The following GRIK4 variants were observed in gnomAD, a reference collection of about 807,000 sequenced individuals.
GRIK4 encodes the protein glutamate ionotropic receptor kainate type subunit 4, also known as glutamate receptor ionotropic, kainate 4.
Under a neutral mutation model 104.9 loss-of-function variants are expected in GRIK4, and 40 were observed. The ratio of observed to expected loss-of-function variants is 0.38; its 90% confidence interval spans 0.30 to 0.50. The LOEUF is 0.50. GRIK4 is among the 20% of genes least tolerant of loss of function. The pLI is 0.93. For missense variants in GRIK4, 1,047 were observed against 1,308.1 expected (o/e 0.80, Z 3.08); for synonymous variants, 485 against 524.9 (o/e 0.92, Z 1.04).
intron 6 of GRIK4, among the ~76,000 whole-genome samples, chr11:120,828,697 T>C (rs902694794): frequency 6.6e-6 from 1 of 152,176 alleles, no homozygotes; most frequent in Non-Finnish European, 1.5e-5. Context: ...TAGGCAATTC[T>C]GGGCGGGATG....
intron 1 of GRIK4, among the ~76,000 whole-genome samples, chr11:120,540,369 C>T (rs1948020812): frequency 6.6e-6 from 1 of 152,104 alleles, no homozygotes; most frequent in Admixed American, 6.5e-5. Flanking sequence ...GCCTGTAATC[C>T]CAGCACTTTG....
chr11:120,963,389 C>T (rs1303664411), intron 18 of GRIK4, among the ~76,000 whole-genome samples: 1 of 152,200 alleles, frequency 6.6e-6, no homozygotes, highest in Non-Finnish European at 1.5e-5. Flanking sequence ...CCCCTGCTAA[C>T]AGAACCTCCC....
At chr11:120,566,481 A>G (rs536085601) in intron 1 of GRIK4, among the ~76,000 whole-genome samples, 2 of 152,304 alleles carry the variant, frequency 1.3e-5, no homozygotes, top group East Asian at 3.9e-4. Context: ...CCAGCCTACG[A>G]TGTGGTTTGG....
At chr11:120,592,907 G>T (rs1197723973) in intron 1 of GRIK4, among the ~76,000 whole-genome samples, 1 of 152,182 alleles carries the variant, frequency 6.6e-6, no homozygotes, top group Non-Finnish European at 1.5e-5. Flanking sequence ...AGCTGGCTGG[G>T]TGTGGTGGTT....
intron 3 of GRIK4, among the ~76,000 whole-genome samples, chr11:120,733,893 G>A (rs139581029): frequency 0.029 from 4,393 of 151,718 alleles, 211 homozygotes; most frequent in African/African-American, 0.099. Context: ...ACCCGCCACC[G>A]CACCTGGCTA....
At chr11:120,588,149 T>C (rs1480753606) in intron 1 of GRIK4, among the ~76,000 whole-genome samples, 1 of 152,164 alleles carries the variant, frequency 6.6e-6, no homozygotes, top group Non-Finnish European at 1.5e-5. Flanking sequence ...AGCACCTGTC[T>C]CTGCTGGTGT....
intron 3 of GRIK4, among the ~76,000 whole-genome samples, chr11:120,739,759 C>T (rs1038026828): frequency 1.1e-4 from 16 of 152,318 alleles, no homozygotes; most frequent in African/African-American, 2.6e-4. Context: ...CCTCAGGTGA[C>T]GATGCTCAGT....
chr11:120,729,021 C>CT (rs1951081876), intron 3 of GRIK4, among the ~76,000 whole-genome samples: 2 of 152,182 alleles, frequency 1.3e-5, no homozygotes, highest in African/African-American at 2.4e-5. Flanking sequence ...CGAAGTTTGT[C>CT]TTTCTGTGCC....
chr11:120,845,141 G>A (rs532063146), intron 8 of GRIK4, among the ~76,000 whole-genome samples: 11 of 152,300 alleles, frequency 7.2e-5, no homozygotes, highest in African/African-American at 2.4e-4. Flanking sequence ...TGTCCCAATG[G>A]CTTGGCATAT....
chr11:120,751,528 T>C (rs1951551929), intron 3 of GRIK4, among the ~76,000 whole-genome samples: 3 of 152,098 alleles, frequency 2.0e-5, no homozygotes, highest in African/African-American at 7.2e-5. Flanking sequence ...TGTTGGGTTC[T>C]GCATAGAGTC....
Position 120,627,727 on chromosome 11 carries a change from C to T in GRIK4, c.-158-25958C>T, listed in dbSNP as rs143478953. Among the ~76,000 whole-genome samples, 8 of 151,738 alleles carry T rather than the reference C, an allele frequency of 5.3e-5. No individual in the cohort carries two copies. The East Asian group carries it at 5.8e-4, about 11-fold the overall frequency. Reference sequence around the variant, plus strand: ...GGTGTAGCCCTGCTGGACCTCTGCACGAGGGCCTGGCTCAGTCTTGTGTGG... The same window carrying T: ...GGTGTAGCCCTGCTGGACCTCTGCATGAGGGCCTGGCTCAGTCTTGTGTGG... On this transcript the variant is annotated intron_variant, in intron 1 of 20. Transcript: ENST00000527524.
At chr11:120,661,247 G>C (rs1197406209) in intron 3 of GRIK4, among the ~76,000 whole-genome samples, 1 of 152,186 alleles carries the variant, frequency 6.6e-6, no homozygotes, top group South Asian at 2.1e-4. Flanking sequence ...TGTACATCGG[G>C]GGATGGGGAT....
intron 19 of GRIK4, among the ~76,000 whole-genome samples, chr11:120,974,867 C>G (rs1352700084): frequency 6.6e-6 from 1 of 152,202 alleles, no homozygotes; most frequent in South Asian, 2.1e-4. Context: ...TTTCTTCTGC[C>G]TTTTCTTTTC....
intron 12 of GRIK4, among the ~76,000 whole-genome samples, chr11:120,899,261 A>C (rs1942666982): frequency 1.3e-5 from 2 of 152,054 alleles, no homozygotes; most frequent in Admixed American, 6.5e-5. Context: ...TACTAAAAAA[A>C]AATAGAAAAA....
chr11:120,928,017 C>A (rs1189387985), intron 13 of GRIK4, among the ~76,000 whole-genome samples: 1 of 151,938 alleles, frequency 6.6e-6, no homozygotes, highest in East Asian at 1.9e-4. Flanking sequence ...GTGTGAGAGA[C>A]CAGCCTGGCC....
In GRIK4 at chr11:120,524,637, C is replaced by G. The variant is rs914794359; in HGVS notation, c.-159+12750C>G. On this transcript the variant is annotated intron_variant, in intron 1 of 20. Coordinates refer to ENST00000527524, the MANE Select transcript of GRIK4 (RefSeq NM_014619.5). This position sits in a 1 kb window ranked among gnomAD's most constrained non-coding sequence, Gnocchi z 4.5. ...GGGTGACTGGTAAGAGCAAAGGTGG[C>G]GTTTGGGCTGACAGCGCTAACTTCT... Among the ~76,000 whole-genome samples the G allele has an allele frequency of 6.6e-6, 1 of 152,120 alleles. No individual in the cohort carries two copies. Among genetic ancestry groups the G allele is most frequent in the Non-Finnish European group, 1.5e-5 (1 of 68,038 alleles).
chr11:120,897,580 T>TGACAGAAC (rs1565424341), intron 11 of GRIK4, among the ~76,000 whole-genome samples: 1 of 43,920 alleles, frequency 2.3e-5, no homozygotes, highest in East Asian at 7.9e-4. Flanking sequence ...CTAGCCTGGG[T>TGACAGAAC]GACAGAACAA....
chr11:120,943,107 T>TACACAC (rs1222269285), intron 14 of GRIK4, among the ~76,000 whole-genome samples: 130 of 106,934 alleles, frequency 1.2e-3, no homozygotes, highest in Non-Finnish European at 2.3e-3. Context: ...TGTCCCTCTC[T>TACACAC]ACACACACAC....
chr11:120,570,390 A>G (rs1948382218), intron 1 of GRIK4, among the ~76,000 whole-genome samples: 1 of 152,064 alleles, frequency 6.6e-6, no homozygotes, highest in African/African-American at 2.4e-5. Flanking sequence ...CCACATCTCT[A>G]TAGTTCTAAA....
Sources: gnomAD v4.1 joint callset for allele counts (sites outside exome capture counted in the v4.1 genomes callset) on GRCh38, gnomAD v4.1.1 for gene constraint, Gnocchi (gnomAD v3.1) non-coding constraint, MANE v1.5 for transcripts, NCBI Gene and HGNC (gene_info 2026-07-23, HGNC 2026-07-21) for gene names.